The following EPHA6 variants were observed in gnomAD, a reference collection of about 807,000 sequenced individuals.
EPHA6 encodes EPH receptor A6.
Under a neutral mutation model 112.0 loss-of-function variants are expected in EPHA6, and 50 were observed. That is an observed-to-expected ratio of 0.45 (90% CI 0.36 to 0.56). The LOEUF is 0.56. EPHA6 is among the 20% of genes least tolerant of loss of function. The pLI, the probability that EPHA6 is intolerant of heterozygous loss-of-function variation, is 0.00. For synonymous variants in EPHA6, 529 were observed against 490.7 expected (o/e 1.08, Z -1.03); for missense variants, 1,280 against 1,417.4 (o/e 0.90, Z 1.56).
chr3:96,829,452 C>A (rs911132828), intron 1 of EPHA6, among the ~76,000 whole-genome samples: 2 of 152,116 alleles, frequency 1.3e-5, no homozygotes, highest in African/African-American at 4.8e-5. Context: ...TGCTCTCCCT[C>A]ACTACAGGAT....
chr3:97,694,767 C>G (rs2032919560), intron 14 of EPHA6, among the ~76,000 whole-genome samples: 1 of 152,164 alleles, frequency 6.6e-6, no homozygotes, highest in African/African-American at 2.4e-5. Context: ...AACATTTACT[C>G]AGGATTAAAA....
At chr3:97,426,026 G>A (rs996785015) in intron 6 of EPHA6, among the ~76,000 whole-genome samples, 1 of 152,088 alleles carries the variant, frequency 6.6e-6, no homozygotes, top group African/African-American at 2.4e-5. Context: ...CAAACCTCTA[G>A]GAAGTTCCAA....
intron 12 of EPHA6, among the ~76,000 whole-genome samples, chr3:97,606,680 G>T (rs2093682368): frequency 6.6e-6 from 1 of 151,318 alleles, no homozygotes. Flanking sequence ...GAGTACTTAT[G>T]TGAATAAAAA....
intron 14 of EPHA6, among the ~76,000 whole-genome samples, chr3:97,690,443 CT>C (rs1016555631): frequency 6.7e-6 from 1 of 148,792 alleles, no homozygotes; most frequent in Non-Finnish European, 1.5e-5. Flanking sequence ...CATCTGTCTT[CT>C]TTGGAACAAT....
intron 3 of EPHA6, among the ~76,000 whole-genome samples, chr3:97,181,502 T>C (rs1042738331): frequency 8.5e-5 from 13 of 152,238 alleles, no homozygotes; most frequent in Admixed American, 6.5e-4. Flanking sequence ...AAGTAAGTCA[T>C]GCATGAACGG....
At chr3:97,262,171 T>C (rs1266192650) in intron 5 of EPHA6, among the ~76,000 whole-genome samples, 1 of 152,172 alleles carries the variant, frequency 6.6e-6, no homozygotes, top group Non-Finnish European at 1.5e-5. Context: ...ATTTATGGAC[T>C]ACAGGTGGCT....
intron 5 of EPHA6, among the ~76,000 whole-genome samples, chr3:97,397,430 A>G (rs914422400): frequency 6.6e-6 from 1 of 151,686 alleles, no homozygotes; most frequent in Non-Finnish European, 1.5e-5. Context: ...AATATATTCA[A>G]AACTAACTCT....
At chr3:97,470,842 T>C (rs1236334005) in intron 7 of EPHA6, among the ~76,000 whole-genome samples, 1 of 151,684 alleles carries the variant, frequency 6.6e-6, no homozygotes, top group Non-Finnish European at 1.5e-5. Flanking sequence ...ATTTTTATCT[T>C]TGTCCAAGAA....
At chr3:97,547,836 G>A (rs979988489) in intron 11 of EPHA6, among the ~76,000 whole-genome samples, 9 of 152,192 alleles carry the variant, frequency 5.9e-5, no homozygotes, top group South Asian at 2.1e-4. Context: ...AGCAATGAGC[G>A]AGACTCTGTG....
intron 11 of EPHA6, among the ~76,000 whole-genome samples, chr3:97,556,444 G>T (rs1038607811): frequency 6.6e-6 from 1 of 152,054 alleles, no homozygotes; most frequent in African/African-American, 2.4e-5. Context: ...ATGACAGGAA[G>T]GGGAAGCAAG....
chr3:97,372,713 T>C (rs2085129501), intron 5 of EPHA6, among the ~76,000 whole-genome samples: 1 of 152,158 alleles, frequency 6.6e-6, no homozygotes. Flanking sequence ...TAATCCATTT[T>C]AAGTTTAAAA....
At chr3:97,168,008 T>C (rs537730827) in intron 3 of EPHA6, among the ~76,000 whole-genome samples, 1 of 152,204 alleles carries the variant, frequency 6.6e-6, no homozygotes, top group African/African-American at 2.4e-5. Context: ...GATTTCAATA[T>C]AATTTCATTT....
chr3:96,917,007 C>T (rs2039514570), intron 2 of EPHA6, among the ~76,000 whole-genome samples: 1 of 152,132 alleles, frequency 6.6e-6, no homozygotes, highest in South Asian at 2.1e-4. Context: ...TTTCTAATTG[C>T]AGCTAAAGAA....
At chr3:97,163,791 G>T (rs1251346480) in intron 3 of EPHA6, among the ~76,000 whole-genome samples, 1 of 152,150 alleles carries the variant, frequency 6.6e-6, no homozygotes, top group Non-Finnish European at 1.5e-5. Flanking sequence ...AGTGACCTTG[G>T]CTGCATCAGG....
At chr3:97,204,422 T>C in intron 3 of EPHA6, among the ~76,000 whole-genome samples, 1 of 152,094 alleles carries the variant, frequency 6.6e-6, no homozygotes, top group East Asian at 1.9e-4. Context: ...ACAAGACAAG[T>C]ATTGTTTTCT....
intron 15 of EPHA6, among the ~76,000 whole-genome samples, chr3:97,725,481 G>T (rs1211283481): frequency 6.6e-6 from 1 of 152,148 alleles, no homozygotes; most frequent in African/African-American, 2.4e-5. Context: ...TGTGCTATCA[G>T]AAGGTGTATA....
intron 6 of EPHA6, chr3:97,441,401 A>T (rs751163326): frequency 8.4e-6 from 8 of 952,544 alleles, no homozygotes; most frequent in Non-Finnish European, 1.0e-5. Flanking sequence ...TTCACATTTT[A>T]AAAACAAAAT....
intron 5 of EPHA6, among the ~76,000 whole-genome samples, chr3:97,342,150 C>T (rs562823790): frequency 1.1e-4 from 17 of 152,136 alleles, no homozygotes; most frequent in East Asian, 1.9e-4. Flanking sequence ...CTTTTACTTT[C>T]GAATTTTCAT....
Position 97,112,869 on chromosome 3 carries a change from G to A in EPHA6, c.1115-113395G>A, listed in dbSNP as rs570367711. ...TCATTGTTATTACCAGTAAGTGATA[G>A]GATAGTCTCTAAATTTCCTTGATAA... On this transcript the variant is annotated intron_variant, in intron 3 of 17. Transcript: ENST00000389672. 4.6e-5 allele frequency among the ~76,000 whole-genome samples: 7 copies of A among 152,134 alleles called. No homozygotes were observed. In the South Asian group the frequency reaches 1.5e-3, roughly 32 times the overall value.
Sources: gnomAD v4.1 joint callset for allele counts (sites outside exome capture counted in the v4.1 genomes callset) on GRCh38, gnomAD v4.1.1 for gene constraint, MANE v1.5 for transcripts, NCBI Gene and HGNC (gene_info 2026-07-23, HGNC 2026-07-21) for gene names.